SLC30A8: variants seen among roughly 807,000 people sequenced by gnomAD.
SLC30A8 encodes the protein solute carrier family 30 member 8, also known as proton-coupled zinc antiporter SLC30A8.
SLC30A8 carries 27 observed loss-of-function variants against 36.9 expected under a neutral mutation model. The observed-to-expected ratio is 0.73, with a 90% confidence interval of 0.54 to 1.01. The LOEUF (loss-of-function observed/expected upper bound fraction) is 1.01. Among genes scored for constraint, SLC30A8 ranks in the 50% least tolerant of loss-of-function variants. The pLI, the probability that SLC30A8 is intolerant of heterozygous loss-of-function variation, is 0.00. For synonymous variants in SLC30A8, 164 were observed against 172.4 expected, an observed-to-expected ratio of 0.95 and a Z score of 0.38; for missense variants, 439 against 452.0, an observed-to-expected ratio of 0.97 and a Z score of 0.26.
intron 1 of SLC30A8, among the ~76,000 whole-genome samples, chr8:116,994,021 C>A (rs1815733419): frequency 6.6e-6 from 1 of 150,462 alleles, no homozygotes; most frequent in African/African-American, 2.5e-5. Flanking sequence ...AATTAAAAAT[C>A]TTGCTACAAA....
intron 1 of SLC30A8, among the ~76,000 whole-genome samples, chr8:116,979,128 A>G (rs1375446207): frequency 3.4e-5 from 5 of 148,990 alleles, no homozygotes; most frequent in Non-Finnish European, 7.4e-5. Flanking sequence ...TATCCCAGCT[A>G]CTCGGGAGGC....
chr8:117,085,190 A>C (rs973535547), intron 2 of SLC30A8, among the ~76,000 whole-genome samples: 1 of 152,170 alleles, frequency 6.6e-6, no homozygotes, highest in Non-Finnish European at 1.5e-5. Context: ...GGAAGTTTAC[A>C]TACTACCCTC....
At chr8:117,052,485 C>T (rs1223874298) in intron 2 of SLC30A8, among the ~76,000 whole-genome samples, 1 of 152,200 alleles carries the variant, frequency 6.6e-6, no homozygotes, top group Non-Finnish European at 1.5e-5. Context: ...TTTTTAGGTA[C>T]AGTTTTAACA....
intron 2 of SLC30A8, among the ~76,000 whole-genome samples, chr8:117,151,505 G>A (rs955363064): frequency 5.3e-5 from 8 of 152,230 alleles, no homozygotes; most frequent in African/African-American, 1.9e-4. Flanking sequence ...GCTCTTATAA[G>A]TAGCTCTGAA....
At position 117,115,128 on chromosome 8, in the gene SLC30A8, C is replaced by T. The variant is rs192344849; in HGVS notation, c.-225-20152C>T. Among the ~76,000 whole-genome samples the T allele has an allele frequency of 3.0e-3, 454 of 151,996 alleles. 3 individuals carry two copies. The highest frequency in any genetic ancestry group is 7.5e-3 in the South Asian group (36 of 4,810). On this transcript the variant is annotated intron_variant, in intron 2 of 10. Coordinates refer to the SLC30A8 transcript ENST00000427715. ...TTTTAGTTTTTATTTTTTGTAGAGA[C>T]AGGGTCTCATTCTGTTGACCAGGCT...
intron 1 of SLC30A8, among the ~76,000 whole-genome samples, chr8:117,144,014 CATAAA>C (rs1173423550): frequency 6.6e-6 from 1 of 152,202 alleles, no homozygotes; most frequent in African/African-American, 2.4e-5. Context: ...TCATGAGAAA[CATAAA>C]ATAAAGCAAT....
chr8:117,024,337 T>A (rs1229293894), intron 1 of SLC30A8, among the ~76,000 whole-genome samples: 1 of 152,266 alleles, frequency 6.6e-6, no homozygotes, highest in African/African-American at 2.4e-5. Flanking sequence ...TTCTTTGAGC[T>A]ATTACAAATC....
At position 117,052,302 on chromosome 8, in the gene SLC30A8, C is replaced by T. The variant is rs1480104929; in HGVS notation, c.-226+13044C>T. Among the ~76,000 whole-genome samples, 7 of 152,302 alleles carry T rather than the reference C, an allele frequency of 4.6e-5. No individual in the cohort carries two copies. The East Asian group carries it at 5.8e-4, about 13-fold the overall frequency. On this transcript the variant is annotated intron_variant, in intron 2 of 10. Transcript: ENST00000427715. ...CTGGGATTACAGGCATGAGCCACTG[C>T]GCCCAGCCAAGCCTTTATTCTTTAT...
chr8:117,112,870 T>G (rs2130882777), intron 2 of SLC30A8, among the ~76,000 whole-genome samples: 1 of 136,344 alleles, frequency 7.3e-6, no homozygotes, highest in Non-Finnish European at 1.5e-5. Context: ...AGTCAGCACT[T>G]TCTTTGTTTC....
At chr8:117,168,130 G>A (rs922629257) in intron 6 of SLC30A8, among the ~76,000 whole-genome samples, 2 of 152,106 alleles carry the variant, frequency 1.3e-5, no homozygotes, top group African/African-American at 2.4e-5. Flanking sequence ...CTTGACACGT[G>A]GGGATCATTA....
intron 1 of SLC30A8, among the ~76,000 whole-genome samples, chr8:117,038,082 G>A (rs1372608328): frequency 6.6e-6 from 1 of 152,126 alleles, no homozygotes; most frequent in African/African-American, 2.4e-5. Flanking sequence ...GAGGCCGAAT[G>A]TGGTATCTAA....
At chr8:117,150,534 G>GAAAT (rs1395720440) in intron 2 of SLC30A8, among the ~76,000 whole-genome samples, 1 of 152,178 alleles carries the variant, frequency 6.6e-6, no homozygotes, top group Non-Finnish European at 1.5e-5. Context: ...AAGTATTCCA[G>GAAAT]AAATATGACT....
At chr8:117,024,962 T>C (rs1816831110) in intron 1 of SLC30A8, among the ~76,000 whole-genome samples, 1 of 152,156 alleles carries the variant, frequency 6.6e-6, no homozygotes, top group Admixed American at 6.5e-5. Flanking sequence ...ACTCTCTCTT[T>C]CCCCATCCCT....
At chr8:117,126,717 G>A (rs1202520205) in intron 2 of SLC30A8, among the ~76,000 whole-genome samples, 1 of 152,030 alleles carries the variant, frequency 6.6e-6, no homozygotes, top group Non-Finnish European at 1.5e-5. Context: ...TCTCATAGGA[G>A]TAGATGAGAT....
chr8:116,983,126 A>G (rs891582324), intron 1 of SLC30A8, among the ~76,000 whole-genome samples: 37 of 152,246 alleles, frequency 2.4e-4, no homozygotes, highest in African/African-American at 8.2e-4. Flanking sequence ...AGTGTTTATA[A>G]CTTCTATTTT....
chr8:117,009,844 T>C (rs1300527179), intron 1 of SLC30A8, among the ~76,000 whole-genome samples: 1 of 152,232 alleles, frequency 6.6e-6, no homozygotes, highest in East Asian at 1.9e-4. Flanking sequence ...GTTTTCTGAA[T>C]ATGTCATGGG....
chr8:116,997,500 GTT>G (rs5894359), intron 1 of SLC30A8, among the ~76,000 whole-genome samples: 7 of 149,628 alleles, frequency 4.7e-5, no homozygotes, highest in African/African-American at 1.7e-4. Flanking sequence ...AATTAAATCA[GTT>G]TTTTTTTTAA....
At chr8:117,074,359 A>T (rs1328388942) in intron 2 of SLC30A8, among the ~76,000 whole-genome samples, 1 of 152,186 alleles carries the variant, frequency 6.6e-6, no homozygotes, top group Non-Finnish European at 1.5e-5. Context: ...GCATAGACTC[A>T]TGAATTTGGG....
At chr8:117,006,751 G>A (rs1816183725) in intron 1 of SLC30A8, among the ~76,000 whole-genome samples, 1 of 148,048 alleles carries the variant, frequency 6.8e-6, no homozygotes, top group Admixed American at 6.8e-5. Context: ...TTAGTGCTAA[G>A]ACTGAGAGTT....
Sources: allele counts gnomAD v4.1 joint callset (sites outside exome capture counted in the v4.1 genomes callset), GRCh38; gene constraint gnomAD v4.1.1; transcripts MANE v1.5; gene names NCBI Gene and HGNC (gene_info 2026-07-23, HGNC 2026-07-21).